CSPP1: variants seen among roughly 807,000 people sequenced by gnomAD.
CSPP1 encodes the protein centrosome and spindle pole associated protein 1.
A neutral mutation model predicts 164.4 loss-of-function variants in CSPP1; 126 were observed. The observed-to-expected ratio is 0.77, with a 90% CI of 0.66 to 0.89. CSPP1 has a LOEUF of 0.89. Among genes scored for constraint, CSPP1 ranks in the 40% least tolerant of loss-of-function variants. CSPP1 has a pLI of 0.00. For synonymous variants in CSPP1, 472 were observed against 476.7 expected, an observed-to-expected ratio of 0.99 and a Z score of 0.13; for missense variants, 1,395 against 1,449.8, an observed-to-expected ratio of 0.96 and a Z score of 0.61.
chr8:67,128,469 G>A (rs2129553448), intron 15 of CSPP1, among the ~76,000 whole-genome samples: 1 of 151,404 alleles, frequency 6.6e-6, no homozygotes, highest in Admixed American at 6.6e-5. Flanking sequence ...AACCTGAAAG[G>A]CAGAGGTTGC....
chr8:67,164,082 A>G (rs983326271), intron 23 of CSPP1, among the ~76,000 whole-genome samples: 3 of 152,172 alleles, frequency 2.0e-5, no homozygotes, highest in Non-Finnish European at 2.9e-5. Context: ...TTGTGCGACT[A>G]CCACTGCAAT....
chr8:67,189,495 T>C lies in CSPP1; in HGVS notation c.3221-1155T>C, dbSNP rs147996040. Among the ~76,000 whole-genome samples the C allele has an allele frequency of 4.8e-3, 729 of 152,334 alleles. 2 individuals carry two copies. Among genetic ancestry groups the C allele is most frequent in the Middle Eastern group, 0.024 (7 of 294 alleles). On this transcript the variant is annotated intron_variant, in intron 28 of 30. Coordinates refer to ENST00000678616, the MANE Select transcript of CSPP1 (RefSeq NM_001382391.1). ...GGACCCAAAACTTATTTTAGAATTA[T>C]AGAAAGCCCCATATCTTATTCAATA...
At chr8:67,092,474 G>A (rs1456342033) in intron 5 of CSPP1, among the ~76,000 whole-genome samples, 1 of 152,040 alleles carries the variant, frequency 6.6e-6, no homozygotes, top group Non-Finnish European at 1.5e-5. Flanking sequence ...GTATCACCCC[G>A]TTGCCCAGGC....
intron 17 of CSPP1, among the ~76,000 whole-genome samples, chr8:67,145,925 T>G (rs1314368458): frequency 1.3e-5 from 2 of 152,264 alleles, no homozygotes; most frequent in Middle Eastern, 3.4e-3. Flanking sequence ...GAGTACTGTT[T>G]TAGCTGTACA....
At chr8:67,160,425 G>T (rs573764361) in intron 21 of CSPP1, among the ~76,000 whole-genome samples, 19 of 149,308 alleles carry the variant, frequency 1.3e-4, no homozygotes, top group Middle Eastern at 6.9e-3. Context: ...TGACTGCACT[G>T]TGGCACTCCA....
At chr8:67,086,362 C>A (rs1444735859) in intron 4 of CSPP1, 3 of 488,298 alleles carry the variant, frequency 6.1e-6, no homozygotes, top group Non-Finnish European at 7.5e-6. Flanking sequence ...TAAGTGAGAT[C>A]GTTAATTATG....
intron 13 of CSPP1, among the ~76,000 whole-genome samples, chr8:67,117,946 G>T (rs1215355541): frequency 6.6e-6 from 1 of 152,116 alleles, no homozygotes; most frequent in Non-Finnish European, 1.5e-5. Flanking sequence ...TGTTACTCCT[G>T]AGGGACAGGG....
chr8:67,118,978 C>T (rs1014527277), intron 15 of CSPP1, among the ~76,000 whole-genome samples, 157 bp downstream of exon 15: 1 of 152,132 alleles, frequency 6.6e-6, no homozygotes, highest in Non-Finnish European at 1.5e-5. Flanking sequence ...ATCTTCAGAA[C>T]TCTTTTCATC....
In CSPP1 at chr8:67,172,640, T is replaced by C. The variant is rs568678034; in HGVS notation, c.2968+85T>C. 1.3e-5 allele frequency: 16 copies of C among 1,194,618 alleles called. No individual in the cohort carries two copies. The African/African-American group carries it at 2.3e-4, about 17-fold the overall frequency. The allele number at this position is 1,194,618 out of a possible 1,614,324, so 74.0% of individuals were successfully genotyped here. On this transcript the variant is annotated intron_variant, in intron 25 of 30. Coordinates refer to ENST00000678616, the MANE Select transcript of CSPP1 (RefSeq NM_001382391.1). ...TCTATAAAGATCTTTGTACCCTTTT[T>C]CTAAAGTGGAATTTTATCTATGGTA...
chr8:67,183,460 C>T (rs911089404), intron 28 of CSPP1, among the ~76,000 whole-genome samples: 2 of 152,028 alleles, frequency 1.3e-5, no homozygotes, highest in Non-Finnish European at 2.9e-5. Context: ...CCCCAGACCA[C>T]AATGGAAATA....
intron 16 of CSPP1, chr8:67,135,067 G>A (rs957422369): frequency 6.6e-6 from 1 of 152,200 alleles, no homozygotes; most frequent in Non-Finnish European, 1.5e-5. Context: ...AATATCTGTT[G>A]TTTAGTGGAA....
At chr8:67,077,766 A>G (rs7009678) in intron 3 of CSPP1, among the ~76,000 whole-genome samples, 12,595 of 152,222 alleles carry the variant, frequency 0.083, 1,059 homozygotes, top group African/African-American at 0.22. Flanking sequence ...CTTTTCATGG[A>G]TGTAGGTATA....
intron 7 of CSPP1, among the ~76,000 whole-genome samples, chr8:67,098,831 A>G (rs779041399): frequency 1.2e-4 from 18 of 152,062 alleles, no homozygotes; most frequent in Non-Finnish European, 2.5e-4. Context: ...CAAAGAAACC[A>G]GGTACAGAGT....
Position 67,179,910 on chromosome 8 carries a change from T to C in CSPP1, c.3204T>C (p.Ser1068=). Residue 1068 remains serine (S), a synonymous_variant, in exon 28 of 31, where the codon TCT becomes TCC. Transcript: ENST00000678616. ...SDFLKNSLLE[S]DSAFIGAYGE... ...TCTTGAAAAACTCATTATTGGAATC[T>C]GATAGTGCTTTTATTGGTGAGTATA... The C allele has an allele frequency of 6.4e-7, 1 of 1,573,620 alleles. No homozygotes were observed. Among genetic ancestry groups the C allele is most frequent in the African/African-American group, 1.3e-5 (1 of 74,254 alleles).
At chr8:67,151,270 A>G (rs1825637682) in intron 18 of CSPP1, among the ~76,000 whole-genome samples, 1 of 152,188 alleles carries the variant, frequency 6.6e-6, no homozygotes, top group Non-Finnish European at 1.5e-5. Flanking sequence ...GGAACCTTTG[A>G]TTTTGACAAT....
Position 67,064,398 on chromosome 8 carries a change from C to A in CSPP1, c.-151C>A. The A allele has an allele frequency of 1.2e-6, 2 of 1,613,336 alleles. No homozygotes were observed. Among genetic ancestry groups the A allele is most frequent in the Non-Finnish European group, 8.5e-7 (1 of 1,179,784 alleles). ...GCGGAGCCCCGGCCCGGAGGTCTGTCATGCTGTTCCCGCTCCAGGTGGCCG... is the reference window on the plus strand; with the variant it reads ...GCGGAGCCCCGGCCCGGAGGTCTGTAATGCTGTTCCCGCTCCAGGTGGCCG... On this transcript the variant is annotated 5_prime_UTR_variant, in exon 1 of 31. Coordinates refer to ENST00000678616, the MANE Select transcript of CSPP1 (RefSeq NM_001382391.1).
intron 15 of CSPP1, among the ~76,000 whole-genome samples, chr8:67,128,913 C>G (rs1406416030): frequency 6.6e-6 from 1 of 152,044 alleles, no homozygotes; most frequent in Non-Finnish European, 1.5e-5. Context: ...ACTTCTATTC[C>G]TTGTCCGTTA....
chr8:67,144,543 A>T (rs976809244), intron 17 of CSPP1, among the ~76,000 whole-genome samples: 15 of 152,102 alleles, frequency 9.9e-5, no homozygotes, highest in Non-Finnish European at 1.8e-4. Flanking sequence ...AGGCCGAAGC[A>T]ATTCTGCCAC....
At chr8:67,184,608 C>T (rs1833917645) in intron 28 of CSPP1, among the ~76,000 whole-genome samples, 1 of 151,578 alleles carries the variant, frequency 6.6e-6, no homozygotes, top group South Asian at 2.1e-4. Flanking sequence ...GCCTGTAGTC[C>T]CAGCTATCTG....
Sources: allele counts gnomAD v4.1 joint callset (sites outside exome capture counted in the v4.1 genomes callset), GRCh38; gene constraint gnomAD v4.1.1; transcripts MANE v1.5; gene names NCBI Gene and HGNC (gene_info 2026-07-23, HGNC 2026-07-21).